The following ROPN1L variants were observed in gnomAD, a reference collection of about 807,000 sequenced individuals.
ROPN1L encodes the protein ropporin-1-like protein.
ROPN1L carries 23 observed loss-of-function variants against 22.7 expected under a neutral mutation model. The ratio of observed to expected loss-of-function variants is 1.01; its 90% CI spans 0.73 to 1.43. The LOEUF is 1.43. Ranked by LOEUF, ROPN1L falls within the 40% of genes most tolerant of loss-of-function variation. The pLI is 0.00. For synonymous variants in ROPN1L, 116 were observed against 117.8 expected, an observed-to-expected ratio of 0.98 and a Z score of 0.10; for missense variants, 271 against 291.5, an observed-to-expected ratio of 0.93 and a Z score of 0.51.
chr5:10,476,564 A>G (rs964708441), downstream of ROPN1L, among the ~76,000 whole-genome samples: 1 of 152,238 alleles, frequency 6.6e-6, no homozygotes, highest in Non-Finnish European at 1.5e-5. Flanking sequence ...ATCTGTTTGC[A>G]TGTGGAACAA....
downstream of ROPN1L, among the ~76,000 whole-genome samples, chr5:10,469,502 A>C (rs183028798): frequency 6.6e-6 from 1 of 152,130 alleles, no homozygotes; most frequent in Non-Finnish European, 1.5e-5. Context: ...AAGAAAAAAA[A>C]GTTCCTGGCA....
At chr5:10,482,787 T>A in the ROPN1L span, among the ~76,000 whole-genome samples, 1 of 152,200 alleles carries the variant, frequency 6.6e-6, no homozygotes, top group Admixed American at 6.5e-5. Flanking sequence ...CAGTGAAGAA[T>A]CATGAGATAA....
At chr5:10,452,965 TC>T (rs1256990094) in intron 3 of ROPN1L, among the ~76,000 whole-genome samples, 1 of 152,168 alleles carries the variant, frequency 6.6e-6, no homozygotes, top group Non-Finnish European at 1.5e-5. Flanking sequence ...CAGCACACAT[TC>T]TTTTGGGTTC....
At chr5:10,448,904 C>T (rs2967955) in intron 2 of ROPN1L, among the ~76,000 whole-genome samples, 24,110 of 152,200 alleles carry the variant, frequency 0.16, 3,062 homozygotes, top group East Asian at 0.66. Flanking sequence ...ACACGCCATC[C>T]TGTTTTTACA....
intron 4 of ROPN1L, 37 bp from the exon 5 acceptor site, chr5:10,464,811 A>G: frequency 7.9e-7 from 1 of 1,269,648 alleles, no homozygotes; most frequent in Non-Finnish European, 1.1e-6. Context: ...TATGATGAGA[A>G]ATTACCAATA....
intron 1 of ROPN1L, among the ~76,000 whole-genome samples, chr5:10,447,313 G>A (rs1002564075): frequency 1.3e-5 from 2 of 152,236 alleles, no homozygotes; most frequent in Admixed American, 6.5e-5. Context: ...GAGGCTGGGT[G>A]TGGGTTCCCT....
At chr5:10,467,787 C>T (rs575500321), downstream of ROPN1L, among the ~76,000 whole-genome samples, 2 of 152,212 alleles carry the variant, frequency 1.3e-5, no homozygotes, top group Non-Finnish European at 2.9e-5. Context: ...TCCCAAGTTT[C>T]TTTTTTCCTT....
chr5:10,451,964 TA>T (rs113595226), intron 3 of ROPN1L, among the ~76,000 whole-genome samples: 6 of 20,102 alleles, frequency 3.0e-4, no homozygotes, highest in African/African-American at 4.5e-4. Context: ...TCTATCTATC[TA>T]ATCTATCTAT....
At chr5:10,464,423 G>T (rs148385161) in intron 4 of ROPN1L, among the ~76,000 whole-genome samples, 2 of 152,208 alleles carry the variant, frequency 1.3e-5, no homozygotes, top group Non-Finnish European at 2.9e-5. Context: ...TCTCCTGCCC[G>T]ATCCGCGCAC....
chr5:10,442,271 C>G lies in ROPN1L; in HGVS notation c.104C>G (p.Pro35Arg). 6.2e-7 allele frequency: 1 copy of G among 1,613,654 alleles called. No homozygotes were observed. The highest frequency in any genetic ancestry group is 8.5e-7 in the Non-Finnish European group (1 of 1,179,894). Residue 35 changes from proline (P) to arginine (R), a missense_variant, in exon 1 of 5, where the codon CCG becomes CGG. Coordinates refer to ENST00000274134, the MANE Select transcript of ROPN1L (RefSeq NM_031916.5). Reference protein sequence around the residue: ...QFTKAAIRTQPADVLRWSAGY... With the variant: ...QFTKAAIRTQRADVLRWSAGY... Reference sequence around the variant, plus strand: ...ACCAAGGCTGCCATCCGCACCCAGCCGGCCGACGTGCTGCGGTGGTCCGCG... The same window carrying G: ...ACCAAGGCTGCCATCCGCACCCAGCGGGCCGACGTGCTGCGGTGGTCCGCG...
downstream of ROPN1L, among the ~76,000 whole-genome samples, chr5:10,467,991 G>A (rs1021257173): frequency 6.6e-6 from 1 of 152,210 alleles, no homozygotes; most frequent in African/African-American, 2.4e-5. Context: ...GCCACTGGCC[G>A]GCTCAGCATG....
intron 3 of ROPN1L, among the ~76,000 whole-genome samples, chr5:10,456,123 C>T (rs892750027): frequency 3.3e-5 from 5 of 152,290 alleles, no homozygotes; most frequent in East Asian, 1.9e-4. Context: ...TGGGTGCCCT[C>T]GTGCCTGTGC....
In ROPN1L at chr5:10,454,592, G is replaced by A. The variant is rs1156992295; in HGVS notation, c.417+4479G>A. 5.3e-5 allele frequency among the ~76,000 whole-genome samples: 8 copies of A among 152,150 alleles called. 1 individual carries two copies. The highest frequency in any genetic ancestry group is 4.6e-4 in the Admixed American group (7 of 15,292). On this transcript the variant is annotated intron_variant, in intron 3 of 4. Coordinates refer to ENST00000274134, the MANE Select transcript of ROPN1L (RefSeq NM_031916.5). ...ATACTGACACTGACAGAGTCAGTCT[G>A]TCATGATCAAAACAAATCACATTGA...
Position 10,464,874 on chromosome 5 carries a change from G to T in ROPN1L, c.620G>T (p.Gly207Val). 6.2e-7 allele frequency: 1 copy of T among 1,605,002 alleles called. No individual in the cohort carries two copies. The highest frequency in any genetic ancestry group is 8.5e-7 in the Non-Finnish European group (1 of 1,176,732). ...GACGCCAGGAAGAACGGCATGATAG[G>T]TCTTTCAGATTTCTTCTTTCCAAAG... is the stretch of plus-strand genomic sequence containing the variant. ...NIDARKNGMIGLSDFFFPKRK... is the reference protein window; with the variant it reads ...NIDARKNGMIVLSDFFFPKRK... Residue 207 changes from glycine (G) to valine (V), a missense_variant, in exon 5 of 5, where the codon GGT becomes GTT. By Grantham distance (109) the Gly-to-Val change is moderately radical. Transcript: ENST00000274134.
rs766194872 is a variant in ROPN1L, at chr5:10,442,217, C to T, written c.50C>T (p.Pro17Leu). 1.2e-6 allele frequency: 2 copies of T among 1,613,840 alleles called. No individual in the cohort carries two copies. Among genetic ancestry groups the T allele is most frequent in the East Asian group, 2.2e-5 (1 of 44,874 alleles). ...MFCAQQIHIP[P>L]ELPDILKQFT... Reference sequence around the variant, plus strand: ...TGCGCTCAGCAGATCCACATTCCCCCGGAGCTGCCGGACATCCTGAAGCAA... The same window carrying T: ...TGCGCTCAGCAGATCCACATTCCCCTGGAGCTGCCGGACATCCTGAAGCAA... Residue 17 changes from proline to leucine, a missense_variant, in exon 1 of 5, where the codon CCG becomes CTG. By Grantham distance (98) the Pro-to-Leu change is moderately conservative (BLOSUM62 -3). Coordinates refer to ENST00000274134, the MANE Select transcript of ROPN1L (RefSeq NM_031916.5).
At chr5:10,456,406 T>C (rs543945888) in intron 3 of ROPN1L, among the ~76,000 whole-genome samples, 4 of 152,300 alleles carry the variant, frequency 2.6e-5, no homozygotes, top group African/African-American at 9.6e-5. Context: ...GAGAATCGCT[T>C]GAACCCAGGA....
At chr5:10,479,165 T>A in the ROPN1L span, among the ~76,000 whole-genome samples, 1 of 152,314 alleles carries the variant, frequency 6.6e-6, no homozygotes, top group Admixed American at 6.5e-5. Context: ...TTAGTCACTT[T>A]GGAGTGTGTA....
chr5:10,469,540 C>T (rs1472734458), downstream of ROPN1L, among the ~76,000 whole-genome samples: 1 of 152,102 alleles, frequency 6.6e-6, no homozygotes, highest in Non-Finnish European at 1.5e-5. Context: ...TGAAAAACAC[C>T]TGCTTTTCCT....
chr5:10,449,282 G>A (rs1741177514), intron 2 of ROPN1L, among the ~76,000 whole-genome samples: 1 of 152,334 alleles, frequency 6.6e-6, no homozygotes, highest in East Asian at 1.9e-4. Flanking sequence ...ACTTTGGGAG[G>A]CTGAGGCGGG....
Sources: allele counts gnomAD v4.1 joint callset (sites outside exome capture counted in the v4.1 genomes callset), GRCh38; gene constraint gnomAD v4.1.1; transcripts MANE v1.5; gene names NCBI Gene and HGNC (gene_info 2026-07-23, HGNC 2026-07-21).